The following CTNNA2 variants were observed in gnomAD, a reference collection of about 807,000 sequenced individuals.
CTNNA2 encodes the protein catenin alpha 2.
CTNNA2 carries 42 observed loss-of-function variants against 101.0 expected under a neutral mutation model. That is an observed-to-expected ratio of 0.42 (90% confidence interval 0.32 to 0.54). The LOEUF is 0.54. Among genes scored for constraint, CTNNA2 ranks in the 20% least tolerant of loss-of-function variants. CTNNA2 has a pLI of 0.14. For synonymous variants in CTNNA2, 450 were observed against 456.4 expected (o/e 0.99, Z 0.18); for missense variants, 871 against 1,223.1 (o/e 0.71, Z 4.29).
intron 3 of CTNNA2, among the ~76,000 whole-genome samples, chr2:79,833,895 G>T (rs1270246412): frequency 6.6e-6 from 1 of 152,000 alleles, no homozygotes; most frequent in Admixed American, 6.6e-5. Flanking sequence ...TTTACCATTT[G>T]CACTTTTTCT....
rs79524144 is a variant in CTNNA2, at chr2:79,650,431, T to C, written c.-5-1121T>C. Among the ~76,000 whole-genome samples the C allele has an allele frequency of 8.5e-3, 1,287 of 152,148 alleles. 27 individuals carry two copies. Among genetic ancestry groups the C allele is most frequent in the African/African-American group, 0.028 (1,169 of 41,508 alleles). ...CATATTTAAGAGACTGAAACTCTTGTCCCAAGGAGTATGATATTCTCAGGG... is the reference window on the plus strand; with the variant it reads ...CATATTTAAGAGACTGAAACTCTTGCCCCAAGGAGTATGATATTCTCAGGG... On this transcript the variant is annotated intron_variant, in intron 1 of 18. Transcript: ENST00000402739.
chr2:79,980,933 C>T (rs1431798087), intron 7 of CTNNA2, among the ~76,000 whole-genome samples: 1 of 151,470 alleles, frequency 6.6e-6, no homozygotes, highest in East Asian at 1.9e-4. Context: ...TTTTTTTTAA[C>T]AGTCAAACAT....
chr2:79,511,584 C>T (rs1480918514), upstream of CTNNA2, among the ~76,000 whole-genome samples: 1 of 152,084 alleles, frequency 6.6e-6, no homozygotes, highest in African/African-American at 2.4e-5. Flanking sequence ...TCCGGTGACT[C>T]CTGTTCACTT....
chr2:79,471,769 C>T (rs549522974), intron 4 of CTNNA2, among the ~76,000 whole-genome samples: 7 of 152,006 alleles, frequency 4.6e-5, no homozygotes, highest in South Asian at 2.1e-4. Context: ...ACCCAGGAGG[C>T]GGAGCTTGCA....
chr2:79,280,087 C>A (rs1675322698), intron 2 of CTNNA2, among the ~76,000 whole-genome samples: 1 of 152,164 alleles, frequency 6.6e-6, no homozygotes. Flanking sequence ...AGGACACTAA[C>A]ATTCACCCCT....
chr2:79,603,571 C>T (rs970590145), intron 1 of CTNNA2, among the ~76,000 whole-genome samples: 13 of 152,140 alleles, frequency 8.5e-5, no homozygotes, highest in African/African-American at 2.4e-4. Context: ...AATTTAAAAA[C>T]GAGCCAAAGC....
intron 3 of CTNNA2, among the ~76,000 whole-genome samples, chr2:79,336,269 T>G (rs987141797): frequency 2.6e-5 from 4 of 152,198 alleles, no homozygotes; most frequent in Admixed American, 2.6e-4. Flanking sequence ...TAACTATGGC[T>G]GCCATGGCGG....
intron 2 of CTNNA2, among the ~76,000 whole-genome samples, chr2:79,204,495 ACT>A (rs1311287250): frequency 6.6e-6 from 1 of 152,138 alleles, no homozygotes. Context: ...TGGATATAAG[ACT>A]CTGTAAAATC....
rs546645038 is a variant in CTNNA2, at chr2:80,568,344, CATCT to C, written c.1742-5818_1742-5815del. On this transcript the variant is annotated intron_variant, in intron 12 of 18. Coordinates refer to ENST00000402739, the MANE Select transcript of CTNNA2 (RefSeq NM_001282597.3). ...AATACTGGATGACAAAGGAGTTCTT[CATCT>C]TAATTTTCCCCATTTATTCCTGTCC... Among the ~76,000 whole-genome samples the C allele has an allele frequency of 4.7e-4, 72 of 152,312 alleles. 2 individuals carry two copies. Among genetic ancestry groups the C allele is most frequent in the African/African-American group, 1.6e-3 (65 of 41,586 alleles).
chr2:79,922,858 T>A (rs1408503949), intron 7 of CTNNA2, among the ~76,000 whole-genome samples: 1 of 152,154 alleles, frequency 6.6e-6, no homozygotes, highest in Non-Finnish European at 1.5e-5. Context: ...ACTCTGTGAT[T>A]CTTTTCATTA....
chr2:79,886,236 A>G (rs1220479158), intron 6 of CTNNA2, among the ~76,000 whole-genome samples: 1 of 152,198 alleles, frequency 6.6e-6, no homozygotes, highest in Admixed American at 6.5e-5. Context: ...AAGAATAAAC[A>G]TGATGAAATG....
At chr2:80,045,762 G>A (rs1360247846) in intron 7 of CTNNA2, among the ~76,000 whole-genome samples, 1 of 152,064 alleles carries the variant, frequency 6.6e-6, no homozygotes, top group Non-Finnish European at 1.5e-5. Context: ...CATCAGGATC[G>A]AGGGCTTAGA....
chr2:80,008,326 G>A (rs1693523287), intron 7 of CTNNA2, among the ~76,000 whole-genome samples: 1 of 152,184 alleles, frequency 6.6e-6, no homozygotes, highest in East Asian at 1.9e-4. Flanking sequence ...GGATTTGGGA[G>A]GGAGAACTGA....
intron 14 of CTNNA2, among the ~76,000 whole-genome samples, chr2:80,584,671 G>A (rs1454986195): frequency 6.6e-6 from 1 of 152,086 alleles, no homozygotes; most frequent in Admixed American, 6.6e-5. Flanking sequence ...TAGTGAAGCT[G>A]TGTGACTTTG....
chr2:79,750,423 A>G (rs944086306), intron 3 of CTNNA2, among the ~76,000 whole-genome samples: 3 of 152,192 alleles, frequency 2.0e-5, no homozygotes, highest in African/African-American at 7.2e-5. Flanking sequence ...AGCCAATTTG[A>G]GAAGAAGTGG....
In CTNNA2 at chr2:80,495,113, A is replaced by G. The variant is rs114277144; in HGVS notation, c.1291-49869A>G. ...GATACTGTAGAAAAAGTTTACTCAT[A>G]GGATAGTTGGTTTGCCAGGATGACT... On this transcript the variant is annotated intron_variant, in intron 9 of 18. Transcript: ENST00000402739. Among the ~76,000 whole-genome samples the G allele has an allele frequency of 5.6e-3, 852 of 152,340 alleles. 16 individuals are homozygous for G. Among genetic ancestry groups the G allele is most frequent in the African/African-American group, 0.019 (798 of 41,574 alleles).
At chr2:79,648,029 C>T (rs919579212) in intron 1 of CTNNA2, among the ~76,000 whole-genome samples, 3 of 152,148 alleles carry the variant, frequency 2.0e-5, no homozygotes, top group Non-Finnish European at 4.4e-5. Context: ...AGCCAAAGCT[C>T]AATAGCAATG....
intron 18 of CTNNA2, among the ~76,000 whole-genome samples, chr2:80,646,088 T>C (rs141133586): frequency 6.9e-4 from 105 of 152,230 alleles, no homozygotes; most frequent in African/African-American, 2.2e-3. Context: ...ACCTCAATAC[T>C]GCGTGGGACA....
intron 1 of CTNNA2, among the ~76,000 whole-genome samples, chr2:79,597,348 C>A (rs1207411599): frequency 2.6e-5 from 4 of 151,566 alleles, no homozygotes; most frequent in African/African-American, 4.8e-5. Flanking sequence ...GGCGGGCGCC[C>A]GTAGTCCCAG....
Sources: gnomAD v4.1 joint callset for allele counts (sites outside exome capture counted in the v4.1 genomes callset) on GRCh38, gnomAD v4.1.1 for gene constraint, MANE v1.5 for transcripts, NCBI Gene and HGNC (gene_info 2026-07-23, HGNC 2026-07-21) for gene names.